Variants in RSPRY1 observed in about 807,000 individuals in gnomAD.
The protein encoded by RSPRY1 is ring finger and SPRY domain containing 1.
In RSPRY1, 23 loss-of-function variants were observed where a neutral mutation model predicts 73.1. The ratio of observed to expected loss-of-function variants is 0.31; its 90% CI spans 0.23 to 0.45. The LOEUF is 0.45. RSPRY1 is among the 20% of genes least tolerant of loss of function. RSPRY1 has a pLI of 1.00. For missense variants in RSPRY1, 448 were observed against 698.7 expected (o/e 0.64, Z 4.05); for synonymous variants, 226 against 251.4 (o/e 0.90, Z 0.95).
rs1400972144 is a variant in RSPRY1, at chr16:57,239,806, G to GT, written c.*838dup. On this transcript the variant is annotated 3_prime_UTR_variant, in exon 15 of 15. Transcript: ENST00000394420. ...CAAGGTACCATCAAATCAGATTTCT[G>GT]TTTTTTTGTTAAAAAAAATTTTTTT... 1 of 151,716 alleles carries GT rather than the reference G, an allele frequency of 6.6e-6. No individual in the cohort carries two copies. The highest frequency in any genetic ancestry group is 2.4e-5 in the African/African-American group (1 of 41,294). 9.4% of individuals were successfully genotyped at this position (151,716 alleles called of 1,614,324 possible). A position where few individuals can be genotyped will look rare whatever the true frequency, so the allele number is the denominator to read the frequency against.
chr16:57,222,050 T>C (rs1200657227), intron 10 of RSPRY1, among the ~76,000 whole-genome samples: 1 of 152,216 alleles, frequency 6.6e-6, no homozygotes, highest in African/African-American at 2.4e-5. Flanking sequence ...GATCAAATTA[T>C]AAGCTGTTTG....
chr16:57,220,926 A>C, intron 9 of RSPRY1, 79 bp downstream of exon 9: 2 of 1,036,588 alleles, frequency 1.9e-6, no homozygotes, highest in Non-Finnish European at 3.0e-6. Flanking sequence ...CAGTTGTCTT[A>C]GGGCTGGTGC....
intron 1 of RSPRY1, among the ~76,000 whole-genome samples, chr16:57,201,358 C>T (rs202132521): frequency 0.08 from 12,065 of 150,480 alleles, 467 homozygotes; most frequent in East Asian, 0.22. Flanking sequence ...ACATCCCAGA[C>T]GGGGCGGCAG....
At chr16:57,218,142 G>A (rs931339789) in intron 8 of RSPRY1, among the ~76,000 whole-genome samples, 2 of 152,190 alleles carry the variant, frequency 1.3e-5, no homozygotes, top group Non-Finnish European at 1.5e-5. Context: ...TGAAAAATCA[G>A]TGTGTTTTAC....
At chr16:57,208,713 G>T (rs1273192005) in intron 3 of RSPRY1, among the ~76,000 whole-genome samples, 1 of 151,934 alleles carries the variant, frequency 6.6e-6, no homozygotes, top group African/African-American at 2.4e-5. Context: ...GATATTTTTT[G>T]TTCCTTAGTT....
intron 1 of RSPRY1, among the ~76,000 whole-genome samples, chr16:57,197,837 C>G (rs990544104): frequency 1.3e-5 from 2 of 152,122 alleles, no homozygotes; most frequent in Non-Finnish European, 2.9e-5. Flanking sequence ...GATCTTCCCA[C>G]CTCAACCTCC....
intron 5 of RSPRY1, among the ~76,000 whole-genome samples, chr16:57,213,674 T>C (rs560867821): frequency 6.6e-6 from 1 of 152,366 alleles, no homozygotes; most frequent in East Asian, 1.9e-4. Context: ...GACTCTCCCA[T>C]GTGCTTGCCA....
chr16:57,230,989 A>C (rs2075210209), intron 12 of RSPRY1, among the ~76,000 whole-genome samples, 176 bp downstream of exon 12: 1 of 152,230 alleles, frequency 6.6e-6, no homozygotes, highest in Non-Finnish European at 1.5e-5. Flanking sequence ...TGATACAGGA[A>C]GATAAGGCAG....
In RSPRY1 at chr16:57,213,104, T is replaced by G. The variant is rs768981891; in HGVS notation, c.643+6T>G. 2.2e-5 allele frequency: 36 copies of G among 1,610,778 alleles called. No individual in the cohort carries two copies. Among genetic ancestry groups the G allele is most frequent in the Non-Finnish European group, 2.9e-5 (34 of 1,178,446 alleles). ...CTTGGCCGAGAAACTAGCAGGTAAC[T>G]TTGGGACACTCCACAGTGGAAGATC... On this transcript the variant is annotated splice_donor_region_variant and intron_variant, in intron 5 of 14. Coordinates refer to ENST00000394420, the MANE Select transcript of RSPRY1 (RefSeq NM_133368.3).
Position 57,240,056 on chromosome 16 carries a change from T to C in RSPRY1, c.*1081T>C, listed in dbSNP as rs921200516. ...GAGTTTGGTTTTTTCTCCCAGGAAATTGGAAGGTAGAATTGTAAATTCATA... is the reference window on the plus strand; with the variant it reads ...GAGTTTGGTTTTTTCTCCCAGGAAACTGGAAGGTAGAATTGTAAATTCATA... On this transcript the variant is annotated 3_prime_UTR_variant, in exon 15 of 15. Transcript: ENST00000394420. 25 of 152,152 alleles carry C rather than the reference T, an allele frequency of 1.6e-4. No individual in the cohort carries two copies. Among genetic ancestry groups the C allele is most frequent in the Admixed American group, 1.3e-3 (20 of 15,272 alleles). 9.4% of individuals were successfully genotyped at this position (152,152 alleles called of 1,614,324 possible).
At chr16:57,207,926 TTCTA>T (rs1362797698) in intron 2 of RSPRY1, 128 bp from the exon 3 acceptor site, 1 of 661,768 alleles carries the variant, frequency 1.5e-6, no homozygotes, top group African/African-American at 1.8e-5. Flanking sequence ...AGGTTGTCTC[TTCTA>T]TCTCTTTCCT....
At chr16:57,206,528 G>C (rs947810935) in intron 2 of RSPRY1, among the ~76,000 whole-genome samples, 5 of 152,144 alleles carry the variant, frequency 3.3e-5, no homozygotes, top group Admixed American at 6.6e-5. Flanking sequence ...GGAAAAATGG[G>C]TGCAGAATAG....
chr16:57,200,118 T>C (rs1226852350), intron 1 of RSPRY1, among the ~76,000 whole-genome samples: 1 of 148,802 alleles, frequency 6.7e-6, no homozygotes, highest in Non-Finnish European at 1.5e-5. Context: ...TTAACGAGCA[T>C]GCTGCCTTCA....
chr16:57,222,926 C>T (rs929400288), intron 10 of RSPRY1, among the ~76,000 whole-genome samples: 75 of 152,126 alleles, frequency 4.9e-4, no homozygotes, highest in African/African-American at 1.7e-3. Context: ...TTCATCTGCT[C>T]GATGAAATTA....
At chr16:57,191,173 C>T (rs1043363564) in intron 1 of RSPRY1, among the ~76,000 whole-genome samples, 2 of 152,180 alleles carry the variant, frequency 1.3e-5, no homozygotes, top group Non-Finnish European at 2.9e-5. Context: ...TACCCCTCTA[C>T]CTCCTGAAGA....
intron 5 of RSPRY1, among the ~76,000 whole-genome samples, chr16:57,213,440 C>T (rs2074882306): frequency 6.6e-6 from 1 of 152,186 alleles, no homozygotes; most frequent in African/African-American, 2.4e-5. Flanking sequence ...TATATACACA[C>T]TTTATAAAGT....
At chr16:57,223,767 G>C (rs1395783509) in intron 10 of RSPRY1, among the ~76,000 whole-genome samples, 1 of 152,148 alleles carries the variant, frequency 6.6e-6, no homozygotes, top group Non-Finnish European at 1.5e-5. Flanking sequence ...GTGAGACTCT[G>C]TCTCAAAAAT....
At chr16:57,212,925 A>G (rs1215898171) in intron 4 of RSPRY1, 47 bp from the exon 5 acceptor site, 3 of 1,568,130 alleles carry the variant, frequency 1.9e-6, no homozygotes, top group Non-Finnish European at 2.6e-6. Context: ...TGGGAAAACA[A>G]CCTGTGTAGT....
chr16:57,233,449 G>A (rs2075256133), intron 13 of RSPRY1, among the ~76,000 whole-genome samples: 1 of 152,002 alleles, frequency 6.6e-6, no homozygotes, highest in South Asian at 2.1e-4. Flanking sequence ...TCAGGTCATT[G>A]CAACCTCCAT....
Sources: allele counts gnomAD v4.1 joint callset (sites outside exome capture counted in the v4.1 genomes callset), GRCh38; gene constraint gnomAD v4.1.1; transcripts MANE v1.5; gene names NCBI Gene and HGNC (gene_info 2026-07-23, HGNC 2026-07-21).